CDC42BPG: variants seen among roughly 807,000 people sequenced by gnomAD.
The protein encoded by CDC42BPG is CDC42 binding protein kinase gamma.
In CDC42BPG, 157 loss-of-function variants were observed where a neutral mutation model predicts 192.2. The observed-to-expected ratio is 0.82, with a 90% confidence interval of 0.72 to 0.93. The LOEUF is 0.93. CDC42BPG is among the 40% of genes least tolerant of loss of function. CDC42BPG has a pLI of 0.00. For synonymous variants in CDC42BPG, 981 were observed against 918.5 expected, an observed-to-expected ratio of 1.07 and a Z score of -1.23; for missense variants, 1,992 against 2,122.1, an observed-to-expected ratio of 0.94 and a Z score of 1.20.
At chr11:64,831,484 C>T (rs375519632) in intron 28 of CDC42BPG, 21 bp downstream of exon 28, 6 of 1,595,762 alleles carry the variant, frequency 3.8e-6, no homozygotes, top group African/African-American at 1.3e-5. Context: ...CTGCTTCCTC[C>T]AGTCCCCTCC....
At chr11:64,827,453 G>C in intron 32 of CDC42BPG, 55 bp from the exon 33 acceptor site, 1 of 1,604,218 alleles carries the variant, frequency 6.2e-7, no homozygotes. Context: ...GGCCCAGTCA[G>C]CTGGCATTCA....
Position 64,832,724 on chromosome 11 carries a change from A to T in CDC42BPG, c.2885T>A (p.Val962Asp). 1 of 1,610,106 alleles carries T rather than the reference A, an allele frequency of 6.2e-7. No homozygotes were observed. Among genetic ancestry groups the T allele is most frequent in the South Asian group, 1.1e-5 (1 of 90,622 alleles). The change falls in exon 26 of 37, where the codon GTC (valine) becomes GAC (aspartate). Residue 962 changes from valine to aspartate, a missense_variant. Val to Asp is a radical substitution (Grantham distance 152). This residue lies in a region of CDC42BPG where 1,656 missense variants were observed against 1,844.3 expected (regional missense o/e 0.90). Transcript: ENST00000342711. Reference sequence around the variant, plus strand: ...AAACACGCGCTGCCAGCCCCGCCGGACACCTGAGGGCCGCGGCACCTGGCG... The same window carrying T: ...AAACACGCGCTGCCAGCCCCGCCGGTCACCTGAGGGCCGCGGCACCTGGCG... ...GFLSVPRPSGVRRGWQRVFAA... is the reference protein window; with the variant it reads ...GFLSVPRPSGDRRGWQRVFAA...
Position 64,833,252 on chromosome 11 carries a change from G to A in CDC42BPG, c.2710C>T (p.Arg904Cys), listed in dbSNP as rs916979669. 66 of 1,548,664 alleles carry A rather than the reference G, an allele frequency of 4.3e-5. No homozygotes were observed. Among genetic ancestry groups the A allele is most frequent in the Non-Finnish European group, 5.3e-5 (61 of 1,146,232 alleles). The change falls in exon 24 of 37, where the codon CGC becomes TGC. Residue 904 changes from arginine (R) to cysteine (C), a missense_variant. By Grantham distance (180) the Arg-to-Cys change is radical. Transcript: ENST00000342711. ...RCTSLMLGLG[R>C]QGLGCDACGY... ...TCACCATCACAACCCAGGCCCTGGC[G>A]GCCCAGGCCCAGCATCAGCGAGGTG...
Position 64,831,561 on chromosome 11 carries a change from T to G in CDC42BPG, c.3248A>C (p.Glu1083Ala). The G allele has an allele frequency of 6.2e-7, 1 of 1,612,584 alleles. No individual in the cohort carries two copies. Among genetic ancestry groups the G allele is most frequent in the Middle Eastern group, 1.7e-4 (1 of 6,058 alleles). The part of the protein sequence containing the change: ...PRPRPVYTLK[E>A]AYDNGLPLLP... ...CAGCGGCAGCCCGTTGTCGTAAGCCTCCTTGAGTGTGTACACGGGCCGGGG... is the reference window on the plus strand; with the variant it reads ...CAGCGGCAGCCCGTTGTCGTAAGCCGCCTTGAGTGTGTACACGGGCCGGGG... The change falls in exon 28 of 37, where the codon GAG becomes GCG. Residue 1083 changes from glutamate (E) to alanine (A), a missense_variant. By Grantham distance (107) the Glu-to-Ala change is moderately radical. Around this residue, in one of 2 missense-constraint regions of CDC42BPG, gnomAD observed 1,656 missense variants for 1,844.3 expected, o/e 0.90. Transcript: ENST00000342711.
intron 3 of CDC42BPG, among the ~76,000 whole-genome samples, 187 bp from the exon 4 acceptor site, chr11:64,840,835 G>C (rs1943249719): frequency 6.6e-6 from 1 of 152,028 alleles, no homozygotes; most frequent in Admixed American, 6.6e-5. Flanking sequence ...GCCTCAGTGT[G>C]ACCATATGGA....
chr11:64,840,185 G>C lies in CDC42BPG; in HGVS notation c.516C>G (p.Ala172=). Residue 172 remains alanine (A), a synonymous_variant, in exon 5 of 37, where the codon GCC becomes GCG. Transcript: ENST00000342711. ...RFEDRLPPEL[A]QFYLAEMVLA... ...GCACCATCTCAGCCAGGTAGAACTGGGCCAGCTCGGGCGGGAGACGGTCCT... is the reference window on the plus strand; with the variant it reads ...GCACCATCTCAGCCAGGTAGAACTGCGCCAGCTCGGGCGGGAGACGGTCCT... 1.2e-6 allele frequency: 2 copies of C among 1,613,188 alleles called. No homozygotes were observed. The highest frequency in any genetic ancestry group is 1.6e-4 in the Middle Eastern group (1 of 6,062).
rs745806747 is a variant in CDC42BPG at position 64,832,968 on chromosome 11, A to G, written c.2732-9T>C. 130 of 1,521,380 alleles carry G rather than the reference A, an allele frequency of 8.5e-5. 1 individual carries two copies. The highest frequency in any genetic ancestry group is 1.0e-4 in the Non-Finnish European group (115 of 1,132,672). 94.2% of individuals were successfully genotyped at this position (1,521,380 alleles called of 1,614,324 possible). On this transcript the variant is annotated splice_polypyrimidine_tract_variant and intron_variant, in intron 24 of 36. Coordinates refer to ENST00000342711, the MANE Select transcript of CDC42BPG (RefSeq NM_017525.3). Reference sequence around the variant, plus strand: ...ACAAAAGTAGCCGCAGGCTGTGGGGAAAGTGGAGAAGGTGGATGAGGTGAG... The same window carrying G: ...ACAAAAGTAGCCGCAGGCTGTGGGGGAAGTGGAGAAGGTGGATGAGGTGAG...
intron 30 of CDC42BPG, 109 bp downstream of exon 30, chr11:64,829,362 C>G (rs1387561538): frequency 7.1e-6 from 10 of 1,412,658 alleles, no homozygotes; most frequent in Non-Finnish European, 8.6e-6. Flanking sequence ...AGGATGCAAA[C>G]TGGCACCAAA....
chr11:64,829,027 C>T (rs917797013), intron 30 of CDC42BPG, among the ~76,000 whole-genome samples: 7 of 151,916 alleles, frequency 4.6e-5, no homozygotes, highest in African/African-American at 9.7e-5. Context: ...TCCAGCCTGG[C>T]GACAGAGTGA....
intron 28 of CDC42BPG, 58 bp from the exon 29 acceptor site, chr11:64,830,314 T>C: frequency 2.8e-6 from 4 of 1,419,352 alleles, no homozygotes; most frequent in Non-Finnish European, 2.9e-6. Flanking sequence ...ACACGGAGAT[T>C]GGGCAGTCCA....
chr11:64,826,893 C>T, intron 34 of CDC42BPG, 99 bp from the exon 35 acceptor site: 1 of 1,346,692 alleles, frequency 7.4e-7, no homozygotes, highest in Non-Finnish European at 1.0e-6. Context: ...CCACTGGGCC[C>T]CCAGCCTGGT....
chr11:64,835,491 C>T lies in CDC42BPG; in HGVS notation c.1880+9G>A. ...CCGGCCCCTCCCTGCCACCAGCTGC[C>T]TGGCTCACCTGTGGCTGTGGGCCTG... On this transcript the variant is annotated intron_variant, in intron 15 of 36. Transcript: ENST00000342711. 6.2e-7 allele frequency: 1 copy of T among 1,604,924 alleles called. No homozygotes were observed. The highest frequency in any genetic ancestry group is 8.5e-7 in the Non-Finnish European group (1 of 1,177,298).
At chr11:64,836,860 A>G (rs1943040111) in intron 10 of CDC42BPG, 41 bp from the exon 11 acceptor site, 1 of 1,610,294 alleles carries the variant, frequency 6.2e-7, no homozygotes, top group African/African-American at 1.3e-5. Context: ...CCACTCCTCC[A>G]TTCCCGCAGC....
chr11:64,839,257 A>G (rs768096014), intron 6 of CDC42BPG, 24 bp from the exon 7 acceptor site: 1 of 1,612,466 alleles, frequency 6.2e-7, no homozygotes, highest in South Asian at 1.1e-5. Flanking sequence ...TGGTGAAGCC[A>G]TGAGGACAGC....
At position 64,836,720 on chromosome 11, in the gene CDC42BPG, G is replaced by GGGGGGGGGGGGGGAT; in HGVS notation, c.1384+18_1384+19insATCCCCCCCCCCCCC. ...GGACTCAGCCCTGGGGGGGGGGGGG[G>GGGGGGGGGGGGGGAT]GGTGGGCGGAAGGGATACCTGGCAG... is the stretch of plus-strand genomic sequence containing the variant. On this transcript the variant is annotated intron_variant, in intron 11 of 36. Transcript: ENST00000342711. 1.2e-6 allele frequency: 1 copy of GGGGGGGGGGGGGGAT among 843,824 alleles called. No individual in the cohort carries two copies. The highest frequency in any genetic ancestry group is 1.7e-6 in the Non-Finnish European group (1 of 584,548). 52.3% of individuals were successfully genotyped at this position (843,824 alleles called of 1,614,324 possible).
At chr11:64,844,206 CGT>C (rs1227299462) in intron 1 of CDC42BPG, among the ~76,000 whole-genome samples, 1 of 151,314 alleles carries the variant, frequency 6.6e-6, no homozygotes. Context: ...AGGGAGAGAG[CGT>C]GTGTGAGAAT....
chr11:64,824,273 G>C lies in CDC42BPG; in HGVS notation c.*200C>G. On this transcript the variant is annotated 3_prime_UTR_variant, in exon 37 of 37. Transcript: ENST00000342711. ...AGAAAGGCTGGGGCTGGGAACAGAG[G>C]GGTAAGGCAGGATGAGGGCTGGGAG... 1 of 657,740 alleles carries C rather than the reference G, an allele frequency of 1.5e-6. No individual in the cohort carries two copies. The highest frequency in any genetic ancestry group is 2.8e-6 in the Non-Finnish European group (1 of 357,548). 40.7% of individuals were successfully genotyped at this position (657,740 alleles called of 1,614,324 possible). A position where few individuals can be genotyped will look rare whatever the true frequency, so the allele number is the denominator to read the frequency against.
At chr11:64,831,481 C>G (rs372819839) in intron 28 of CDC42BPG, 24 bp downstream of exon 28, 1 of 1,592,200 alleles carries the variant, frequency 6.3e-7, no homozygotes, top group Non-Finnish European at 8.6e-7. Context: ...GAACTGCTTC[C>G]TCCAGTCCCC....
In CDC42BPG at chr11:64,829,954, C is replaced by T; in HGVS notation, c.3484G>A (p.Glu1162Lys). ...CCTGCTACCTCTATGTTCTCCAGCT[C>T]CGCCAGGGCAAAGAGACGCACGCTG... is the stretch of plus-strand genomic sequence containing the variant. ...GPSVRLFALA[E>K]LENIEVAGAK... Residue 1162 changes from glutamate (E) to lysine (K), a missense_variant, in exon 30 of 37, where the codon GAG becomes AAG. Glu to Lys is a moderately conservative substitution (Grantham distance 56, BLOSUM62 1). Around this residue, in one of 2 missense-constraint regions of CDC42BPG, gnomAD observed 1,656 missense variants for 1,844.3 expected, o/e 0.90. Coordinates refer to ENST00000342711, the MANE Select transcript of CDC42BPG (RefSeq NM_017525.3). 2 of 1,612,478 alleles carry T rather than the reference C, an allele frequency of 1.2e-6. No individual in the cohort carries two copies. Among genetic ancestry groups the T allele is most frequent in the Non-Finnish European group, 1.7e-6 (2 of 1,179,728 alleles).
Sources: gnomAD v4.1 joint callset for allele counts (sites outside exome capture counted in the v4.1 genomes callset) on GRCh38, gnomAD v4.1.1 for gene constraint, gnomAD v4.1.1 regional missense constraint, MANE v1.5 for transcripts, NCBI Gene and HGNC (gene_info 2026-07-23, HGNC 2026-07-21) for gene names.